Variants in GPC5 observed in about 807,000 individuals in gnomAD.
The protein encoded by GPC5 is glypican 5.
A neutral mutation model predicts 53.9 loss-of-function variants in GPC5; 47 were observed. The observed-to-expected ratio is 0.87, with a 90% CI of 0.69 to 1.11. GPC5 has a LOEUF of 1.11. Ranked by LOEUF, GPC5 falls within the 50% of genes most tolerant of loss-of-function variation. The probability of loss-of-function intolerance (pLI) is 0.00; values close to 1 mark genes in which losing one functional copy is unlikely to be tolerated. For synonymous variants in GPC5, 286 were observed against 263.3 expected (o/e 1.09, Z -0.84); for missense variants, 748 against 713.1 (o/e 1.05, Z -0.56).
chr13:92,434,975 T>G (rs1268893316), intron 7 of GPC5, among the ~76,000 whole-genome samples: 2 of 152,210 alleles, frequency 1.3e-5, no homozygotes, highest in Non-Finnish European at 2.9e-5. Flanking sequence ...AGGGCAGTAG[T>G]GCCATCTCAG....
intron 7 of GPC5, among the ~76,000 whole-genome samples, chr13:92,682,974 T>A (rs780487120): frequency 1.3e-5 from 2 of 152,010 alleles, no homozygotes; most frequent in African/African-American, 2.4e-5. Flanking sequence ...CGGCCAAGAA[T>A]GAGGAAAGTA....
chr13:92,295,140 G>A (rs1241806179), intron 7 of GPC5, among the ~76,000 whole-genome samples: 11 of 152,042 alleles, frequency 7.2e-5, no homozygotes, highest in South Asian at 6.2e-4. Flanking sequence ...CAAACTTTTC[G>A]ATGTAGGCAC....
At chr13:91,908,771 T>C (rs1474639485) in intron 6 of GPC5, among the ~76,000 whole-genome samples, 1 of 152,188 alleles carries the variant, frequency 6.6e-6, no homozygotes, top group Admixed American at 6.6e-5. Flanking sequence ...AAGGCTATTT[T>C]TTTTTTAGTT....
At chr13:92,334,852 A>G (rs1431828734) in intron 7 of GPC5, among the ~76,000 whole-genome samples, 1 of 152,134 alleles carries the variant, frequency 6.6e-6, no homozygotes, top group Non-Finnish European at 1.5e-5. Flanking sequence ...ACACTGATGC[A>G]AAAGGTGGGT....
At chr13:91,845,307 T>C (rs1424436245) in intron 5 of GPC5, among the ~76,000 whole-genome samples, 1 of 152,258 alleles carries the variant, frequency 6.6e-6, no homozygotes, top group East Asian at 1.9e-4. Context: ...GTAAGGTTTT[T>C]TTTTAATCGT....
In GPC5 at chr13:91,693,306, G is replaced by A. The variant is rs375622773; in HGVS notation, c.445G>A (p.Gly149Arg). 3 of 1,613,938 alleles carry A rather than the reference G, an allele frequency of 1.9e-6. No individual in the cohort carries two copies. Among genetic ancestry groups the A allele is most frequent in the Non-Finnish European group, 2.5e-6 (3 of 1,180,016 alleles). Residue 149 changes from glycine to arginine, a missense_variant, in exon 3 of 8, where the codon GGG (glycine) becomes AGG (arginine). Coordinates refer to ENST00000377067, the MANE Select transcript of GPC5 (RefSeq NM_004466.6). ...ASVQEFFTDVGLYLFGADVNP... is the reference protein window; with the variant it reads ...ASVQEFFTDVRLYLFGADVNP... ...GGTTCAGGAGTTCTTCACTGATGTG[G>A]GGCTGTATTTATTTGGTGCGGATGT...
chr13:91,498,711 C>G (rs1884445900), intron 2 of GPC5, among the ~76,000 whole-genome samples: 1 of 152,174 alleles, frequency 6.6e-6, no homozygotes, highest in Non-Finnish European at 1.5e-5. Flanking sequence ...AGTTAGAAAG[C>G]TATTGCAGTT....
chr13:92,403,894 A>T (rs75189477), intron 7 of GPC5, among the ~76,000 whole-genome samples: 1,729 of 152,318 alleles, frequency 0.011, 34 homozygotes, highest in African/African-American at 0.039. Context: ...AAACAAACAC[A>T]AATACATATA....
chr13:92,297,610 G>C (rs185834949), intron 7 of GPC5, among the ~76,000 whole-genome samples: 13 of 152,216 alleles, frequency 8.5e-5, no homozygotes, highest in African/African-American at 2.6e-4. Context: ...TCGAAACTCT[G>C]TATCTAACTA....
intron 5 of GPC5, among the ~76,000 whole-genome samples, chr13:91,883,864 T>C (rs1170280350): frequency 6.6e-6 from 1 of 152,140 alleles, no homozygotes; most frequent in Non-Finnish European, 1.5e-5. Flanking sequence ...GGGGGTTTGT[T>C]GTACGGATTA....
intron 2 of GPC5, among the ~76,000 whole-genome samples, chr13:91,615,288 C>G (rs16946294): frequency 0.021 from 3,159 of 152,152 alleles, 111 homozygotes; most frequent in African/African-American, 0.072. Context: ...GTATATGGCA[C>G]AAGATAATTC....
intron 7 of GPC5, among the ~76,000 whole-genome samples, chr13:92,244,376 C>T (rs930351037): frequency 6.6e-6 from 1 of 152,064 alleles, no homozygotes; most frequent in Non-Finnish European, 1.5e-5. Context: ...GAGAGTGTAA[C>T]GAAACCTCAT....
intron 7 of GPC5, among the ~76,000 whole-genome samples, chr13:92,728,784 A>T (rs1888719181): frequency 6.6e-6 from 1 of 151,324 alleles, no homozygotes; most frequent in Admixed American, 6.6e-5. Flanking sequence ...ATACATTGTA[A>T]TTTTTGCATG....
At chr13:92,775,788 G>T (rs1343750344) in intron 7 of GPC5, among the ~76,000 whole-genome samples, 1 of 152,126 alleles carries the variant, frequency 6.6e-6, no homozygotes, top group Admixed American at 6.5e-5. Context: ...TCACAGTCCT[G>T]CTTTAAAAAC....
chr13:92,136,625 G>A (rs1461089058), intron 6 of GPC5, among the ~76,000 whole-genome samples: 1 of 152,138 alleles, frequency 6.6e-6, no homozygotes, highest in Non-Finnish European at 1.5e-5. Flanking sequence ...CTGTGTAAAT[G>A]ATCGTAAGAG....
intron 7 of GPC5, among the ~76,000 whole-genome samples, chr13:92,759,013 T>TTTC: frequency 6.8e-6 from 1 of 147,894 alleles, no homozygotes; most frequent in Non-Finnish European, 1.5e-5. Flanking sequence ...TTTTTTTTTT[T>TTTC]TTTTTTGGTG....
At chr13:92,221,220 G>A (rs2042446045) in intron 7 of GPC5, among the ~76,000 whole-genome samples, 1 of 152,128 alleles carries the variant, frequency 6.6e-6, no homozygotes, top group Non-Finnish European at 1.5e-5. Context: ...GACTATCCAA[G>A]GGTAGAATGC....
chr13:92,007,547 A>C (rs1025625544), intron 6 of GPC5, among the ~76,000 whole-genome samples: 4 of 152,068 alleles, frequency 2.6e-5, no homozygotes, highest in Non-Finnish European at 5.9e-5. Context: ...CATCCTTATG[A>C]TTCGTTTGTC....
At chr13:91,537,180 A>G (rs1237087322) in intron 2 of GPC5, among the ~76,000 whole-genome samples, 3 of 152,162 alleles carry the variant, frequency 2.0e-5, no homozygotes, top group Non-Finnish European at 2.9e-5. Flanking sequence ...AGAAGAAAAG[A>G]CGTAATAAAT....
Sources: gnomAD v4.1 joint callset for allele counts (sites outside exome capture counted in the v4.1 genomes callset) on GRCh38, gnomAD v4.1.1 for gene constraint, MANE v1.5 for transcripts, NCBI Gene and HGNC (gene_info 2026-07-23, HGNC 2026-07-21) for gene names.